LPP: variants seen among roughly 807,000 people sequenced by gnomAD.
The protein encoded by LPP is lipoma-preferred partner.
A neutral mutation model predicts 60.4 loss-of-function variants in LPP; 38 were observed. That is an observed-to-expected ratio of 0.63 (90% confidence interval 0.49 to 0.83). The LOEUF (loss-of-function observed/expected upper bound fraction) is 0.83, where lower values mean the gene tolerates loss of function less well. Ranked by LOEUF, LPP falls within the 40% of genes least tolerant of loss-of-function variation. The probability of loss-of-function intolerance (pLI) is 0.00; values close to 1 mark genes in which losing one functional copy is unlikely to be tolerated. For missense variants in LPP, 902 were observed against 783.6 expected (o/e 1.15, Z -1.80); for synonymous variants, 328 against 290.8 (o/e 1.13, Z -1.30).
intron 4 of LPP, among the ~76,000 whole-genome samples, chr3:188,458,638 T>G (rs996242555): frequency 1.3e-5 from 2 of 152,212 alleles, no homozygotes; most frequent in African/African-American, 4.8e-5. Context: ...CCTGGATTAT[T>G]TTGAAGATAG....
Position 188,322,128 on chromosome 3 carries a change from G to T in LPP, c.-66-19535G>T, listed in dbSNP as rs1475641001. ...ATTATGTCTAAGGGCCTAAGGACTG[G>T]ATAATCTTATTTTTTCTGTGGCTTG... On this transcript the variant is annotated intron_variant, in intron 2 of 11. Coordinates refer to ENST00000617246, the MANE Select transcript of LPP (RefSeq NM_001375462.1). Among the ~76,000 whole-genome samples the T allele has an allele frequency of 2.0e-5, 3 of 152,302 alleles. No homozygotes were observed. The East Asian group carries it at 5.8e-4, about 29-fold the overall frequency.
intron 8 of LPP, among the ~76,000 whole-genome samples, chr3:188,740,438 C>T (rs1176506032): frequency 2.0e-5 from 3 of 152,064 alleles, no homozygotes; most frequent in African/African-American, 7.2e-5. Context: ...AGAGAAATTA[C>T]ATTTAATTGT....
At chr3:188,657,454 A>G (rs927963123) in intron 7 of LPP, among the ~76,000 whole-genome samples, 2 of 151,818 alleles carry the variant, frequency 1.3e-5, no homozygotes, top group African/African-American at 4.8e-5. Flanking sequence ...TAAATCATTG[A>G]TCACAGGCTG....
chr3:188,578,745 C>T (rs535012122), intron 6 of LPP, among the ~76,000 whole-genome samples: 4 of 152,080 alleles, frequency 2.6e-5, no homozygotes, highest in African/African-American at 4.8e-5. Flanking sequence ...CCTCTCTCCC[C>T]GTGGTGCACT....
At chr3:188,780,187 T>C (rs1739192690) in intron 9 of LPP, among the ~76,000 whole-genome samples, 1 of 152,186 alleles carries the variant, frequency 6.6e-6, no homozygotes, top group Admixed American at 6.5e-5. Context: ...AAATCAGAAC[T>C]TCCCCTTCTT....
chr3:188,371,642 T>TATATATATATATATA lies in LPP; in HGVS notation c.-10+29923_-10+29924insATATATATATATATA, dbSNP rs1553878070. ...ATATATATATATATATATATATATATTTTTTTTTTTTTTTTTTTTTTTTTT... is the reference window on the plus strand; with the variant it reads ...ATATATATATATATATATATATATATATATATATATATATATTTTTTTTTTTTTTTTTTTTTTTTT... On this transcript the variant is annotated intron_variant, in intron 3 of 11. Coordinates refer to ENST00000617246, the MANE Select transcript of LPP (RefSeq NM_001375462.1). 1.0e-3 allele frequency among the ~76,000 whole-genome samples: 17 copies of TATATATATATATATA among 16,198 alleles called. 1 individual carries two copies. The highest frequency in any genetic ancestry group is 3.0e-3 in the East Asian group (1 of 332). 10.6% of individuals were successfully genotyped at this position (16,198 alleles called of 152,430 possible).
At chr3:188,559,630 C>T (rs1830230982) in intron 6 of LPP, among the ~76,000 whole-genome samples, 1 of 151,994 alleles carries the variant, frequency 6.6e-6, no homozygotes, top group Admixed American at 6.6e-5. Context: ...GAAGACAAGA[C>T]CTGATGTTAG....
intron 8 of LPP, among the ~76,000 whole-genome samples, chr3:188,738,041 C>T (rs1200944980): frequency 3.9e-5 from 6 of 152,130 alleles, no homozygotes; most frequent in Admixed American, 3.9e-4. Flanking sequence ...CCCTTTCTCT[C>T]TTCCCCTCTA....
At chr3:188,197,407 C>T (rs774648497) in intron 1 of LPP, among the ~76,000 whole-genome samples, 8 of 152,150 alleles carry the variant, frequency 5.3e-5, no homozygotes, top group Non-Finnish European at 8.8e-5. Context: ...TTATATAACT[C>T]GGCAGAGCTT....
intron 5 of LPP, among the ~76,000 whole-genome samples, chr3:188,503,896 T>C (rs1204834761): frequency 2.6e-5 from 4 of 152,222 alleles, no homozygotes; most frequent in South Asian, 4.1e-4. Context: ...ACAGTTTAAT[T>C]AGAAGGTGCC....
intron 6 of LPP, among the ~76,000 whole-genome samples, chr3:188,607,417 A>ATATATATATAT (rs71169012): frequency 8.0e-5 from 3 of 37,700 alleles, no homozygotes; most frequent in Non-Finnish European, 1.7e-4. Flanking sequence ...ATATATATAT[A>ATATATATATAT]ATTTTTTTTT....
intron 3 of LPP, among the ~76,000 whole-genome samples, chr3:188,387,690 C>T (rs1462160253): frequency 6.6e-6 from 1 of 151,800 alleles, no homozygotes; most frequent in Non-Finnish European, 1.5e-5. Flanking sequence ...TGCCAGCCTC[C>T]CGAGTAGCTG....
chr3:188,271,733 C>T (rs1737805431), intron 2 of LPP, among the ~76,000 whole-genome samples: 1 of 152,114 alleles, frequency 6.6e-6, no homozygotes, highest in African/African-American at 2.4e-5. Context: ...CCAAAGTTGT[C>T]CTCTTCCCTT....
chr3:188,865,724 G>A (rs974074740), intron 9 of LPP, among the ~76,000 whole-genome samples: 1 of 151,948 alleles, frequency 6.6e-6, no homozygotes, highest in Non-Finnish European at 1.5e-5. Flanking sequence ...ACACAAGCAT[G>A]CCCATATGCT....
intron 5 of LPP, among the ~76,000 whole-genome samples, chr3:188,516,353 C>T (rs1486437575): frequency 2.0e-5 from 3 of 152,062 alleles, no homozygotes; most frequent in Admixed American, 6.5e-5. Context: ...TGAATACGGC[C>T]TGTGTCCACT....
chr3:188,227,363 A>G (rs1043982676), intron 2 of LPP, among the ~76,000 whole-genome samples: 4 of 111,606 alleles, frequency 3.6e-5, no homozygotes, highest in South Asian at 3.1e-4. Context: ...ACAGTCCCCA[A>G]AGTGTGATGT....
At chr3:188,394,328 T>A (rs1434233518) in intron 3 of LPP, among the ~76,000 whole-genome samples, 1 of 152,192 alleles carries the variant, frequency 6.6e-6, no homozygotes, top group Non-Finnish European at 1.5e-5. Context: ...TGCAGAAAAC[T>A]TTCTAGCAGT....
At chr3:188,811,100 A>G (rs1315173510) in intron 9 of LPP, among the ~76,000 whole-genome samples, 3 of 152,052 alleles carry the variant, frequency 2.0e-5, no homozygotes, top group African/African-American at 7.2e-5. Flanking sequence ...GTATATATAT[A>G]TGTGCATATA....
chr3:188,298,782 G>A (rs1055193291), intron 2 of LPP, among the ~76,000 whole-genome samples: 6 of 152,156 alleles, frequency 3.9e-5, no homozygotes, highest in East Asian at 3.9e-4. Flanking sequence ...AAAGCTCAGC[G>A]TCCTGACCAT....
Sources: allele counts gnomAD v4.1 joint callset (sites outside exome capture counted in the v4.1 genomes callset), GRCh38; gene constraint gnomAD v4.1.1; transcripts MANE v1.5; gene names NCBI Gene and HGNC (gene_info 2026-07-23, HGNC 2026-07-21).